The following CCSER1 variants were observed in gnomAD, a reference collection of about 807,000 sequenced individuals.
CCSER1 encodes the protein serine-rich coiled-coil domain-containing protein 1.
In CCSER1, 41 loss-of-function variants were observed where a neutral mutation model predicts 82.0. The observed-to-expected ratio is 0.50, with a 90% CI of 0.39 to 0.65. CCSER1 has a LOEUF of 0.65. Among genes scored for constraint, CCSER1 ranks in the 30% least tolerant of loss-of-function variants. CCSER1 has a pLI of 0.00. For missense variants in CCSER1, 1,119 were observed against 1,064.2 expected, an observed-to-expected ratio of 1.05 and a Z score of -0.72; for synonymous variants, 414 against 383.9, an observed-to-expected ratio of 1.08 and a Z score of -0.92.
At chr4:90,573,224 T>C (rs927782683) in intron 5 of CCSER1, among the ~76,000 whole-genome samples, 4 of 152,234 alleles carry the variant, frequency 2.6e-5, no homozygotes, top group African/African-American at 9.6e-5. Flanking sequence ...TGAAGCACAG[T>C]GCAGCTGCAT....
At position 90,769,917 on chromosome 4, in the gene CCSER1, G is replaced by A. The variant is rs539422169; in HGVS notation, c.2011-45845G>A. On this transcript the variant is annotated intron_variant, in intron 7 of 10. Coordinates refer to ENST00000509176, the MANE Select transcript of CCSER1 (RefSeq NM_001145065.2). Reference sequence around the variant, plus strand: ...ATTATCCCTACCACCTGGTATTCAGGCCCTCATATAATCCCCATTTTTTGA... The same window carrying A: ...ATTATCCCTACCACCTGGTATTCAGACCCTCATATAATCCCCATTTTTTGA... 8.2e-4 allele frequency among the ~76,000 whole-genome samples: 125 copies of A among 152,218 alleles called. 1 individual carries two copies. The highest frequency in any genetic ancestry group is 6.8e-3 in the Middle Eastern group (2 of 294).
chr4:90,227,139 T>C (rs751922003), intron 1 of CCSER1, among the ~76,000 whole-genome samples: 7 of 152,232 alleles, frequency 4.6e-5, no homozygotes, highest in Non-Finnish European at 1.0e-4. Context: ...AGCAATCTCG[T>C]ACTTCTAACT....
chr4:90,614,430 AG>A (rs1411130494), intron 5 of CCSER1, among the ~76,000 whole-genome samples: 4 of 152,200 alleles, frequency 2.6e-5, no homozygotes, highest in Non-Finnish European at 5.9e-5. Context: ...ACATGTCAAA[AG>A]CTAGGCATCT....
At chr4:91,173,606 A>G (rs1732999736) in intron 10 of CCSER1, among the ~76,000 whole-genome samples, 1 of 151,384 alleles carries the variant, frequency 6.6e-6, no homozygotes, top group African/African-American at 2.4e-5. Context: ...AAAAAAAAAA[A>G]AAAAAAAAAA....
intron 9 of CCSER1, among the ~76,000 whole-genome samples, chr4:90,942,576 T>C (rs1731722702): frequency 6.6e-6 from 1 of 152,136 alleles, no homozygotes; most frequent in Non-Finnish European, 1.5e-5. Flanking sequence ...TTTGCCTCCT[T>C]AATTTGTAAA....
intron 10 of CCSER1, among the ~76,000 whole-genome samples, chr4:91,320,885 A>G (rs1487431667): frequency 6.6e-6 from 1 of 152,064 alleles, no homozygotes; most frequent in Admixed American, 6.6e-5. Flanking sequence ...ATCAAGGTCA[A>G]TTTTCCATTT....
At chr4:90,674,358 C>G (rs1387343236) in intron 6 of CCSER1, among the ~76,000 whole-genome samples, 1 of 151,812 alleles carries the variant, frequency 6.6e-6, no homozygotes, top group Non-Finnish European at 1.5e-5. Context: ...TGAGAGCAGG[C>G]ATCTTATTGG....
chr4:90,416,337 C>A (rs1352754980), intron 4 of CCSER1, among the ~76,000 whole-genome samples: 1 of 152,092 alleles, frequency 6.6e-6, no homozygotes, highest in Non-Finnish European at 1.5e-5. Flanking sequence ...GAGAAAATTG[C>A]ACCTTAATGA....
chr4:91,301,362 G>T lies in CCSER1; in HGVS notation c.2217+215368G>T, dbSNP rs563741272. Among the ~76,000 whole-genome samples the T allele has an allele frequency of 2.0e-5, 3 of 151,588 alleles. No homozygotes were observed. In the South Asian group the frequency reaches 6.2e-4, roughly 31 times the overall value. ...AAAACAATTGCAATATTAAAAAGGA[G>T]AATTAATACATGGATTATCTACTAT... is the stretch of plus-strand genomic sequence containing the variant. On this transcript the variant is annotated intron_variant, in intron 10 of 10. Coordinates refer to ENST00000509176, the MANE Select transcript of CCSER1 (RefSeq NM_001145065.2).
In CCSER1 at chr4:90,862,907, CTT is replaced by C. The variant is rs548953621; in HGVS notation, c.2094+47078_2094+47079del. ...ACTACAGGAGCACACTATTTTTTGT[CTT>C]TTTTTTTTTTTTTTTGAGAAACAAT... On this transcript the variant is annotated intron_variant, in intron 8 of 10. Transcript: ENST00000509176. Among the ~76,000 whole-genome samples the C allele has an allele frequency of 1.1e-3, 130 of 122,078 alleles. 2 individuals are homozygous for C. Among genetic ancestry groups the C allele is most frequent in the African/African-American group, 3.3e-3 (109 of 32,862 alleles). 80.1% of individuals were successfully genotyped at this position (122,078 alleles called of 152,430 possible). A position where few individuals can be genotyped will look rare whatever the true frequency, so the allele number is the denominator to read the frequency against.
chr4:91,577,408 AG>A (rs894372712), intron 10 of CCSER1, among the ~76,000 whole-genome samples: 1 of 152,026 alleles, frequency 6.6e-6, no homozygotes, highest in African/African-American at 2.4e-5. Flanking sequence ...TACATTTCAA[AG>A]AGAACTCCTT....
intron 8 of CCSER1, among the ~76,000 whole-genome samples, chr4:90,823,009 A>G (rs961494519): frequency 6.6e-6 from 1 of 150,556 alleles, no homozygotes; most frequent in African/African-American, 2.5e-5. Context: ...TACAACATCT[A>G]TACTTTTCAA....
At chr4:90,251,458 C>G (rs1011021097) in intron 1 of CCSER1, among the ~76,000 whole-genome samples, 2 of 151,746 alleles carry the variant, frequency 1.3e-5, no homozygotes, top group Admixed American at 1.3e-4. Flanking sequence ...TTGTCCCATG[C>G]TGTTTCTGCA....
intron 9 of CCSER1, among the ~76,000 whole-genome samples, chr4:90,953,168 ATTG>A: frequency 6.6e-6 from 1 of 152,148 alleles, no homozygotes; most frequent in Admixed American, 6.6e-5. Flanking sequence ...GTTAACTTTT[ATTG>A]TTATAGTTAC....
At chr4:90,948,420 A>G (rs750327913) in intron 9 of CCSER1, among the ~76,000 whole-genome samples, 13 of 151,872 alleles carry the variant, frequency 8.6e-5, no homozygotes, top group Non-Finnish European at 1.8e-4. Flanking sequence ...AGAGTTTTAG[A>G]GATACATATT....
At chr4:90,170,739 T>G (rs1731504780) in intron 1 of CCSER1, among the ~76,000 whole-genome samples, 1 of 151,942 alleles carries the variant, frequency 6.6e-6, no homozygotes, top group South Asian at 2.1e-4. Context: ...CCATTGTATA[T>G]ATGTACTATA....
In CCSER1 at chr4:90,257,010, C is replaced by G. The variant is rs1466578791; in HGVS notation, c.-41-51234C>G. Among the ~76,000 whole-genome samples, 3 of 151,966 alleles carry G rather than the reference C, an allele frequency of 2.0e-5. No individual in the cohort carries two copies. The East Asian group carries it at 5.8e-4, about 29-fold the overall frequency. ...TAGTATTTATGACATTCCGTACTAT[C>G]TGTAGTTTCAGGCATCCACTGCGGG... On this transcript the variant is annotated intron_variant, in intron 1 of 10. Transcript: ENST00000509176.
chr4:90,140,011 A>T (rs1724446465), intron 1 of CCSER1, among the ~76,000 whole-genome samples: 1 of 152,136 alleles, frequency 6.6e-6, no homozygotes, highest in African/African-American at 2.4e-5. Flanking sequence ...ATAAAGCAAA[A>T]GATCTCGGTA....
In CCSER1 at chr4:90,969,955, TAGATAA is replaced by T. The variant is rs530542365; in HGVS notation, c.2172+46518_2172+46523del. On this transcript the variant is annotated intron_variant, in intron 9 of 10. Coordinates refer to ENST00000509176, the MANE Select transcript of CCSER1 (RefSeq NM_001145065.2). ...AAAAAAAACCTCTAGTAAATATACA[TAGATAA>T]AGATAAAGAAATCAAATTATACCAC... 8.8e-3 allele frequency among the ~76,000 whole-genome samples: 1,320 copies of T among 150,272 alleles called. 31 individuals are homozygous for T. The highest frequency in any genetic ancestry group is 0.031 in the African/African-American group (1,258 of 40,818).
Sources: allele counts gnomAD v4.1 joint callset (sites outside exome capture counted in the v4.1 genomes callset), GRCh38; gene constraint gnomAD v4.1.1; transcripts MANE v1.5; gene names NCBI Gene and HGNC (gene_info 2026-07-23, HGNC 2026-07-21).